IMMP2L: variants seen among roughly 807,000 people sequenced by gnomAD.
IMMP2L encodes inner mitochondrial membrane peptidase subunit 2, also known as mitochondrial inner membrane protease subunit 2.
A neutral mutation model predicts 19.3 loss-of-function variants in IMMP2L; 18 were observed. The observed-to-expected ratio is 0.93, with a 90% CI of 0.64 to 1.38. The LOEUF is 1.38. Ranked by LOEUF, IMMP2L falls within the 40% of genes most tolerant of loss-of-function variation. The probability of loss-of-function intolerance (pLI) is 0.00; values close to 1 mark genes in which losing one functional copy is unlikely to be tolerated. For synonymous variants in IMMP2L, 76 were observed against 73.0 expected, an observed-to-expected ratio of 1.04 and a Z score of -0.21; for missense variants, 233 against 218.2, an observed-to-expected ratio of 1.07 and a Z score of -0.43.
At chr7:110,818,518 A>G (rs1392048601) in intron 5 of IMMP2L, among the ~76,000 whole-genome samples, 2 of 152,150 alleles carry the variant, frequency 1.3e-5, no homozygotes, top group South Asian at 2.1e-4. Context: ...TGTTGGTGGG[A>G]CTGTAAACTA....
At chr7:111,332,993 C>G (rs1319429046) in intron 3 of IMMP2L, among the ~76,000 whole-genome samples, 2 of 151,958 alleles carry the variant, frequency 1.3e-5, no homozygotes, top group Non-Finnish European at 2.9e-5. Flanking sequence ...CTTAGTATTA[C>G]CATGCCCTCT....
At chr7:111,190,941 C>A (rs2129612964) in intron 3 of IMMP2L, among the ~76,000 whole-genome samples, 1 of 152,052 alleles carries the variant, frequency 6.6e-6, no homozygotes, top group African/African-American at 2.4e-5. Context: ...TGTCAAACAC[C>A]CAATAAAAAG....
At chr7:110,713,580 T>C (rs1408117006) in intron 5 of IMMP2L, among the ~76,000 whole-genome samples, 2 of 152,156 alleles carry the variant, frequency 1.3e-5, no homozygotes, top group Non-Finnish European at 2.9e-5. Flanking sequence ...TCATCTCTCA[T>C]TTCTTTTAGC....
chr7:111,400,617 C>G (rs151004665), intron 3 of IMMP2L, among the ~76,000 whole-genome samples: 3 of 152,046 alleles, frequency 2.0e-5, no homozygotes, highest in Admixed American at 2.0e-4. Context: ...GTAGTCTGAA[C>G]AACAGTGCAT....
chr7:110,865,472 T>G (rs1314440030), intron 5 of IMMP2L, among the ~76,000 whole-genome samples: 2 of 152,114 alleles, frequency 1.3e-5, no homozygotes, highest in Non-Finnish European at 2.9e-5. Context: ...TAAAACATTG[T>G]TTGAAGCTCT....
chr7:110,917,452 C>A (rs1241025275), intron 4 of IMMP2L, among the ~76,000 whole-genome samples: 2 of 152,080 alleles, frequency 1.3e-5, no homozygotes, highest in Non-Finnish European at 2.9e-5. Context: ...AATAGTGATA[C>A]GTTTCTTACA....
intron 4 of IMMP2L, chr7:110,962,901 C>T (rs2129555507): frequency 7.3e-7 from 1 of 1,367,566 alleles, no homozygotes. Flanking sequence ...CAATGAGACA[C>T]ATCATGCCAC....
intron 3 of IMMP2L, among the ~76,000 whole-genome samples, chr7:111,305,487 A>G (rs1344499236): frequency 1.3e-5 from 2 of 151,324 alleles, no homozygotes; most frequent in South Asian, 2.1e-4. Flanking sequence ...TTAATAAATT[A>G]GCACTCTGAT....
chr7:111,213,073 TG>T lies in IMMP2L; in HGVS notation c.240-249509del, dbSNP rs1811503286. ...CCAGGCACAGCTGCAGCCACCCAAG[TG>T]GCGGCTCCAAACCCAGGCATTTCTA... On this transcript the variant is annotated intron_variant, in intron 3 of 5. Coordinates refer to ENST00000405709, the MANE Select transcript of IMMP2L (RefSeq NM_032549.4). The surrounding 1 kb of genome is among the most constrained non-coding windows in gnomAD (Gnocchi z 4.8). 6.6e-6 allele frequency among the ~76,000 whole-genome samples: 1 copy of T among 152,152 alleles called. No individual in the cohort carries two copies. The highest frequency in any genetic ancestry group is 6.5e-5 in the Admixed American group (1 of 15,284).
intron 3 of IMMP2L, among the ~76,000 whole-genome samples, chr7:111,160,423 C>G (rs1170372793): frequency 6.6e-6 from 1 of 151,898 alleles, no homozygotes; most frequent in Non-Finnish European, 1.5e-5. Flanking sequence ...TTACAAGAAG[C>G]CTGTATGGAC....
At chr7:111,552,582 C>T (rs1369225811) in intron 1 of IMMP2L, among the ~76,000 whole-genome samples, 1 of 152,182 alleles carries the variant, frequency 6.6e-6, no homozygotes, top group Non-Finnish European at 1.5e-5. Flanking sequence ...GCCACCATCA[C>T]TTCTATAACA....
intron 5 of IMMP2L, among the ~76,000 whole-genome samples, chr7:110,838,807 T>C (rs1375966278): frequency 6.6e-6 from 1 of 152,166 alleles, no homozygotes; most frequent in East Asian, 1.9e-4. Flanking sequence ...CTGAGTCCAG[T>C]TATATGTTCT....
chr7:111,087,876 T>G (rs1453543373), intron 3 of IMMP2L, among the ~76,000 whole-genome samples: 1 of 152,188 alleles, frequency 6.6e-6, no homozygotes, highest in Non-Finnish European at 1.5e-5. Context: ...TGTTCAAGAC[T>G]ACTATATTTC....
intron 3 of IMMP2L, among the ~76,000 whole-genome samples, chr7:111,025,384 A>G (rs1826702293): frequency 1.3e-5 from 2 of 152,232 alleles, no homozygotes; most frequent in South Asian, 4.1e-4. Flanking sequence ...ATTTTTACCA[A>G]TAAGAATTAT....
At chr7:111,264,624 C>T (rs954372796) in intron 3 of IMMP2L, among the ~76,000 whole-genome samples, 1 of 151,532 alleles carries the variant, frequency 6.6e-6, no homozygotes, top group Non-Finnish European at 1.5e-5. Context: ...GAAGACCAGG[C>T]ACTGACTGGC....
rs1218434499 is a variant in IMMP2L, at chr7:110,980,227, C to CTTT, written c.240-16665_240-16663dup. Among the ~76,000 whole-genome samples the CTTT allele has an allele frequency of 1.6e-3, 150 of 91,828 alleles. 4 individuals carry two copies. The highest frequency in any genetic ancestry group is 2.0e-3 in the African/African-American group (46 of 23,172). The allele number at this position is 91,828 out of a possible 152,430, so 60.2% of individuals were successfully genotyped here. On this transcript the variant is annotated intron_variant, in intron 3 of 5. Coordinates refer to ENST00000405709, the MANE Select transcript of IMMP2L (RefSeq NM_032549.4). ...TTATATGACTGTATTTGTGCTGCTT[C>CTTT]TTTTTTTTTTTTTTTTTTTTTTAGG...
intron 3 of IMMP2L, among the ~76,000 whole-genome samples, chr7:111,074,986 C>T (rs1486072377): frequency 6.6e-5 from 10 of 151,894 alleles, no homozygotes; most frequent in South Asian, 2.1e-4. Context: ...GGCTAATCAG[C>T]GTGGACGGAA....
intron 5 of IMMP2L, among the ~76,000 whole-genome samples, chr7:110,834,772 T>A (rs140792206): frequency 1.3e-5 from 2 of 152,188 alleles, no homozygotes; most frequent in Admixed American, 1.3e-4. Context: ...AAGAGAATTG[T>A]AGGGATTAAG....
At chr7:110,836,080 C>G (rs1345757959) in intron 5 of IMMP2L, among the ~76,000 whole-genome samples, 1 of 152,042 alleles carries the variant, frequency 6.6e-6, no homozygotes, top group Admixed American at 6.6e-5. Flanking sequence ...GTCAGTATTG[C>G]ATAAATTGGG....
Sources: gnomAD v4.1 joint callset for allele counts (sites outside exome capture counted in the v4.1 genomes callset) on GRCh38, gnomAD v4.1.1 for gene constraint, Gnocchi (gnomAD v3.1) non-coding constraint, MANE v1.5 for transcripts, NCBI Gene and HGNC (gene_info 2026-07-23, HGNC 2026-07-21) for gene names.